The following CORIN variants were observed in gnomAD, a reference collection of about 807,000 sequenced individuals.
CORIN encodes the protein corin, serine peptidase, also known as atrial natriuretic peptide-converting enzyme.
In CORIN, 117 loss-of-function variants were observed where a neutral mutation model predicts 125.3. That is an observed-to-expected ratio of 0.93 (90% CI 0.80 to 1.09). CORIN has a LOEUF of 1.09. CORIN is among the 50% of genes least tolerant of loss of function. The pLI is 0.00. For missense variants in CORIN, 1,253 were observed against 1,306.7 expected, an observed-to-expected ratio of 0.96 and a Z score of 0.63; for synonymous variants, 450 against 466.4, an observed-to-expected ratio of 0.96 and a Z score of 0.45.
At chr4:47,665,328 T>A in intron 10 of CORIN, 65 bp from the exon 11 acceptor site, 1 of 1,227,896 alleles carries the variant, frequency 8.1e-7, no homozygotes, top group South Asian at 1.4e-5. Context: ...TCTTTAAGTT[T>A]TACAAACTTG....
chr4:47,596,786 C>CTTGG (rs1449944772), intron 21 of CORIN, among the ~76,000 whole-genome samples: 1 of 152,214 alleles, frequency 6.6e-6, no homozygotes, highest in East Asian at 1.9e-4. Context: ...GGTCTTCCTA[C>CTTGG]TTGGTATTGT....
intron 5 of CORIN, among the ~76,000 whole-genome samples, chr4:47,696,418 G>T (rs1726008670): frequency 6.6e-6 from 1 of 152,024 alleles, no homozygotes; most frequent in Non-Finnish European, 1.5e-5. Flanking sequence ...TGTCTACTAT[G>T]TGCAAAGTAC....
chr4:47,832,177 T>C (rs945397981), intron 1 of CORIN, among the ~76,000 whole-genome samples: 6 of 152,044 alleles, frequency 3.9e-5, no homozygotes, highest in Non-Finnish European at 4.4e-5. Flanking sequence ...ATAAAGCTCA[T>C]AGGGAGGGAA....
chr4:47,824,404 C>T (rs1732652013), intron 1 of CORIN, among the ~76,000 whole-genome samples: 4 of 152,022 alleles, frequency 2.6e-5, no homozygotes. Flanking sequence ...CTGACCAAGG[C>T]ACACCCAGGT....
At chr4:47,655,210 G>C (rs1362362774) in intron 12 of CORIN, among the ~76,000 whole-genome samples, 1 of 151,920 alleles carries the variant, frequency 6.6e-6, no homozygotes, top group Non-Finnish European at 1.5e-5. Context: ...GTGAGACTCT[G>C]AGATGGGCTG....
chr4:47,810,612 T>A (rs564228073), intron 1 of CORIN, among the ~76,000 whole-genome samples: 1 of 152,312 alleles, frequency 6.6e-6, no homozygotes, highest in Non-Finnish European at 1.5e-5. Flanking sequence ...GAGGTCAAAA[T>A]TTCAGATAGC....
intron 19 of CORIN, among the ~76,000 whole-genome samples, chr4:47,604,144 TCCACTGTTTTTG>T (rs1183191493): frequency 6.6e-6 from 1 of 152,202 alleles, no homozygotes; most frequent in African/African-American, 2.4e-5. Flanking sequence ...ATTCCCATAC[TCCACTGTTTTTG>T]AATACTTGTC....
chr4:47,612,475 A>G (rs1481196389), intron 19 of CORIN, among the ~76,000 whole-genome samples: 2 of 152,202 alleles, frequency 1.3e-5, no homozygotes, highest in Non-Finnish European at 2.9e-5. Context: ...TGGATGTCTC[A>G]TTAGTATACA....
rs372626880 is a variant in CORIN, at chr4:47,661,771, G to C, written c.1675C>G (p.Gln559Glu). 6.2e-7 allele frequency: 1 copy of C among 1,613,630 alleles called. No individual in the cohort carries two copies. Among genetic ancestry groups the C allele is most frequent in the Non-Finnish European group, 8.5e-7 (1 of 1,179,678 alleles). Residue 559 changes from glutamine to glutamate, a missense_variant, in exon 12 of 22, where the codon CAA becomes GAA. Gln to Glu is a conservative substitution (Grantham distance 29). Transcript: ENST00000273857. ...TTGTCTGAATTTTCCTCTGGAAATT[G>C]ACTGCAATCTGTGTCTTCAGGCCAC... ...LQWPEDTDCS[Q>E]FPEENSDNQT...
In CORIN at chr4:47,671,831, C is replaced by T. The variant is rs1487906026; in HGVS notation, c.1357+2562G>A. Among the ~76,000 whole-genome samples the T allele has an allele frequency of 2.0e-5, 3 of 152,240 alleles. No individual in the cohort carries two copies. In the East Asian group the frequency reaches 5.8e-4, roughly 29 times the overall value. On this transcript the variant is annotated intron_variant, in intron 10 of 21. Transcript: ENST00000273857. The stretch of plus-strand genomic sequence containing the variant: ...GTCTCAATCTCCTGACCTCATGATC[C>T]ACCCGCCTCGGCCTCCCAAAGTGCT...
chr4:47,804,745 G>T (rs539343380), intron 2 of CORIN, among the ~76,000 whole-genome samples: 7 of 122,856 alleles, frequency 5.7e-5, no homozygotes, highest in African/African-American at 9.0e-5. Context: ...GAGGGGGGGG[G>T]TTGTTAATGG....
At chr4:47,821,150 G>A (rs746872643) in intron 1 of CORIN, among the ~76,000 whole-genome samples, 5 of 151,942 alleles carry the variant, frequency 3.3e-5, no homozygotes, top group Middle Eastern at 3.4e-3. Flanking sequence ...CAGAAGAATC[G>A]CTTGAACCCG....
intron 5 of CORIN, among the ~76,000 whole-genome samples, chr4:47,704,218 A>AG (rs1491418237): frequency 1.2e-4 from 19 of 152,086 alleles, no homozygotes; most frequent in African/African-American, 3.9e-4. Flanking sequence ...TAAACCTAAC[A>AG]GGGGAAAAAA....
rs564772001 is a variant in CORIN at position 47,805,487 on chromosome 4, C to T, written c.208+1416G>A. ...CCAATGCCTTATTTCAAACACTCAT[C>T]ACCTTTTACTTAGACCAGAGTCAGA... On this transcript the variant is annotated intron_variant, in intron 2 of 21. Coordinates refer to ENST00000273857, the MANE Select transcript of CORIN (RefSeq NM_006587.4). 2.0e-5 allele frequency among the ~76,000 whole-genome samples: 3 copies of T among 152,156 alleles called. No individual in the cohort carries two copies. The South Asian group carries it at 6.2e-4, about 32-fold the overall frequency.
Position 47,615,631 on chromosome 4 carries a change from G to T in CORIN, c.2540+7940C>A, listed in dbSNP as rs144889485. Reference sequence around the variant, plus strand: ...TCTGAAGAGGAAGGCAGACATTAGGGTCCTGCTTCTACAGGCCAAGGAATA... The same window carrying T: ...TCTGAAGAGGAAGGCAGACATTAGGTTCCTGCTTCTACAGGCCAAGGAATA... On this transcript the variant is annotated intron_variant, in intron 19 of 21. Transcript: ENST00000273857. Among the ~76,000 whole-genome samples, 31 of 152,302 alleles carry T rather than the reference G, an allele frequency of 2.0e-4. No individual in the cohort carries two copies. In the East Asian group the frequency reaches 6.0e-3, roughly 29 times the overall value.
chr4:47,691,569 G>C (rs1725772188), intron 6 of CORIN, among the ~76,000 whole-genome samples: 1 of 152,124 alleles, frequency 6.6e-6, no homozygotes, highest in Non-Finnish European at 1.5e-5. Flanking sequence ...AAAAATGCAT[G>C]AATAAATGAA....
At chr4:47,790,839 G>C (rs61756967) in intron 2 of CORIN, among the ~76,000 whole-genome samples, 5 of 152,140 alleles carry the variant, frequency 3.3e-5, no homozygotes, top group Non-Finnish European at 5.9e-5. Context: ...TGGCTTTTTC[G>C]TGCTAAATTA....
At chr4:47,806,851 C>G in intron 2 of CORIN, 52 bp downstream of exon 2, 1 of 1,549,770 alleles carries the variant, frequency 6.5e-7, no homozygotes, top group South Asian at 1.2e-5. Flanking sequence ...TCTTCTAGAT[C>G]ATGCTAATTT....
chr4:47,666,572 C>T (rs1223365216), intron 10 of CORIN, among the ~76,000 whole-genome samples: 1 of 152,148 alleles, frequency 6.6e-6, no homozygotes, highest in South Asian at 2.1e-4. Context: ...AAACTCTAAC[C>T]TGCAATGTGA....
Sources: gnomAD v4.1 joint callset for allele counts (sites outside exome capture counted in the v4.1 genomes callset) on GRCh38, gnomAD v4.1.1 for gene constraint, MANE v1.5 for transcripts, NCBI Gene and HGNC (gene_info 2026-07-23, HGNC 2026-07-21) for gene names.